TENM1: variants seen among roughly 807,000 people sequenced by gnomAD.
TENM1 encodes teneurin transmembrane protein 1.
A neutral mutation model predicts 174.8 loss-of-function variants in TENM1; 35 were observed. The observed-to-expected ratio is 0.20, with a 90% confidence interval of 0.15 to 0.27. The LOEUF is 0.27. Among genes scored for constraint, TENM1 ranks in the 10% least tolerant of loss-of-function variants. TENM1 has a pLI of 1.00. For missense variants in TENM1, 1,633 were observed against 2,130.1 expected (o/e 0.77, Z 4.59); for synonymous variants, 781 against 798.7 (o/e 0.98, Z 0.37).
chrX:124,736,809 C>A, intron 4 of TENM1, 148 bp downstream of exon 7: 1 of 774,323 alleles, frequency 1.3e-6, no homozygotes, highest in Non-Finnish European at 1.8e-6. Context: ...GTGAAGGAGT[C>A]TTCCTTTTTG....
chrX:125,113,833 T>C, the TENM1 span, among the ~76,000 whole-genome samples: 1 of 110,618 alleles, frequency 9.0e-6, no homozygotes, highest in African/African-American at 3.3e-5. Flanking sequence ...CACCCCACTG[T>C]CAATATTAGA....
exon 11 of TENM1, chrX:124,641,899 T>C: frequency 8.3e-7 from 1 of 1,211,088 alleles, no homozygotes; most frequent in Non-Finnish European, 1.1e-6. Context: ...GGAAGTGGTG[T>C]TTCACAGTTA....
intron 11 of TENM1, among the ~76,000 whole-genome samples, chrX:124,614,360 G>A (rs912599291): frequency 8.9e-6 from 1 of 111,958 alleles, no homozygotes; most frequent in Non-Finnish European, 1.9e-5. Flanking sequence ...ATTGGTCATG[G>A]TATAGATCAT....
chrX:124,459,116 T>A (rs2061140279), intron 22 of TENM1, among the ~76,000 whole-genome samples: 1 of 111,088 alleles, frequency 9.0e-6, no homozygotes, highest in African/African-American at 3.3e-5. Flanking sequence ...CATGGGAGCA[T>A]CCTTGGGGGA....
At chrX:124,515,171 A>G (rs1352384864) in intron 18 of TENM1, among the ~76,000 whole-genome samples, 1 of 111,663 alleles carries the variant, frequency 9.0e-6, no homozygotes, top group Non-Finnish European at 1.9e-5. Context: ...ACTCTCTATA[A>G]TAAACTAGGT....
At chrX:125,158,698 C>T in the TENM1 span, among the ~76,000 whole-genome samples, 197 of 111,347 alleles carry the variant, frequency 1.8e-3, 1 homozygote, top group African/African-American at 6.1e-3. Flanking sequence ...GTTCCACTCC[C>T]GGAGATGCTG....
intron 27 of TENM1, among the ~76,000 whole-genome samples, chrX:124,396,768 G>A (rs2060339695): frequency 9.0e-6 from 1 of 111,667 alleles, no homozygotes; most frequent in Non-Finnish European, 1.9e-5. Flanking sequence ...CCTAAGTGTG[G>A]ACCATCAATC....
chrX:125,019,397 T>G, the TENM1 span, among the ~76,000 whole-genome samples: 2 of 111,344 alleles, frequency 1.8e-5, no homozygotes, highest in Non-Finnish European at 3.8e-5. Context: ...AAGCACCAAA[T>G]ATGAATATCA....
chrX:124,477,187 G>T (rs1412273291), intron 22 of TENM1, among the ~76,000 whole-genome samples: 3 of 104,890 alleles, frequency 2.9e-5, no homozygotes, highest in African/African-American at 1.2e-4. Flanking sequence ...GGAAAATTTG[G>T]TGAAGTTTCT....
chrX:125,062,477 G>A, the TENM1 span, among the ~76,000 whole-genome samples: 3 of 111,583 alleles, frequency 2.7e-5, no homozygotes, highest in African/African-American at 9.8e-5. Flanking sequence ...AGGCAGGACT[G>A]GAGACTTTTT....
the TENM1 span, among the ~76,000 whole-genome samples, chrX:125,151,983 C>T: frequency 1.4e-4 from 16 of 111,579 alleles, no homozygotes; most frequent in South Asian, 3.4e-3. Flanking sequence ...GGCCTGAGCA[C>T]GGTGGCTCAT....
At chrX:124,694,900 A>T (rs1225596477) in intron 5 of TENM1, among the ~76,000 whole-genome samples, 2 of 111,979 alleles carry the variant, frequency 1.8e-5, no homozygotes, top group Non-Finnish European at 3.8e-5. Context: ...ATTCATAGTG[A>T]GTATCTCACT....
intron 4 of TENM1, 135 bp from the exon 8 acceptor site, chrX:124,705,386 T>C (rs991336054): frequency 4.5e-6 from 2 of 443,523 alleles, no homozygotes; most frequent in Non-Finnish European, 7.8e-6. Context: ...AACATTTTCA[T>C]ATACCTAAGA....
chrX:124,615,960 G>T (rs1270389991), intron 11 of TENM1, among the ~76,000 whole-genome samples: 1 of 112,340 alleles, frequency 8.9e-6, no homozygotes, highest in East Asian at 2.8e-4. Flanking sequence ...CACTGGTGGG[G>T]TCACACACAC....
chrX:124,538,973 A>C (rs1156395283), intron 15 of TENM1, among the ~76,000 whole-genome samples: 1 of 111,783 alleles, frequency 8.9e-6, no homozygotes, highest in Non-Finnish European at 1.9e-5. Flanking sequence ...AAGTGGTCTA[A>C]GGCTGTTACT....
intron 20 of TENM1, among the ~76,000 whole-genome samples, chrX:124,494,720 A>T (rs1602535607): frequency 9.8e-6 from 1 of 101,665 alleles, no homozygotes; most frequent in East Asian, 3.2e-4. Flanking sequence ...TGTCCATGTG[A>T]TCTCATTGTT....
chrX:125,140,531 C>T, the TENM1 span, among the ~76,000 whole-genome samples: 4 of 110,998 alleles, frequency 3.6e-5, no homozygotes, highest in South Asian at 1.1e-3. Context: ...TGTTTGATGG[C>T]GGAGTAGGAT....
chrX:124,521,283 A>G (rs1435022169), intron 17 of TENM1, among the ~76,000 whole-genome samples: 1 of 112,224 alleles, frequency 8.9e-6, no homozygotes, highest in Non-Finnish European at 1.9e-5. Context: ...AGGCCCAGCA[A>G]GTGATATTTT....
chrX:124,376,774 T>TTTTTTG lies in TENM1; in HGVS notation c.*3761_*3762insCAAAAA, dbSNP rs1556622316. 6.3e-5 allele frequency: 7 copies of TTTTTTG among 111,396 alleles called. 1 individual carries two copies. Among genetic ancestry groups the TTTTTTG allele is most frequent in the African/African-American group, 2.0e-4 (6 of 30,708 alleles). The allele number at this position is 111,396 out of a possible 1,213,427, so 9.2% of individuals were successfully genotyped here. A position where few individuals can be genotyped will look rare whatever the true frequency, so the allele number is the denominator to read the frequency against. ...TTTGTTTTTTGCGCTTTTTTTGTTT[T>TTTTTTG]TTTTGTTTTGTTTTGTTTTGTTTTG... is the stretch of plus-strand genomic sequence containing the variant. On this transcript the variant is annotated 3_prime_UTR_variant, in exon 32 of 32. Coordinates refer to ENST00000422452, the Ensembl canonical transcript of TENM1.
Sources: allele counts gnomAD v4.1 joint callset (sites outside exome capture counted in the v4.1 genomes callset), GRCh38; gene constraint gnomAD v4.1.1; transcripts MANE v1.5; gene names NCBI Gene and HGNC (gene_info 2026-07-23, HGNC 2026-07-21).